ACTB: variants seen among roughly 807,000 people sequenced by gnomAD.
The protein encoded by ACTB is actin, cytoplasmic 1.
ACTB carries 2 observed loss-of-function variants against 30.5 expected under a neutral mutation model. The observed-to-expected ratio is 0.07, with a 90% confidence interval of 0.03 to 0.21. The LOEUF (loss-of-function observed/expected upper bound fraction) is 0.21, where lower values mean the gene tolerates loss of function less well. Ranked by LOEUF, ACTB falls within the 10% of genes least tolerant of loss-of-function variation. The pLI is 1.00. For missense variants in ACTB, 56 were observed against 530.0 expected, an observed-to-expected ratio of 0.11 and a Z score of 8.78; for synonymous variants, 335 against 217.6, an observed-to-expected ratio of 1.54 and a Z score of -4.75.
At position 5,529,576 on chromosome 7, in the gene ACTB, G is replaced by A; in HGVS notation, c.82C>T (p.Arg28Trp). The A allele has an allele frequency of 1.2e-6, 2 of 1,611,584 alleles. No homozygotes were observed. The highest frequency in any genetic ancestry group is 1.7e-6 in the Non-Finnish European group (2 of 1,179,604). Residue 28 changes from arginine (R) to tryptophan (W), a missense_variant, in exon 2 of 6, where the codon CGG becomes TGG. Transcript: ENST00000646664. ...KAGFAGDDAP[R>W]AVFPSIVGRP... ...CCCACGATGGAGGGGAAGACGGCCC[G>A]GGGGGCATCGTCGCCCGCGAAGCCG...
In ACTB at chr7:5,528,657, C is replaced by A. The variant is rs79074016; in HGVS notation, c.426G>T (p.Leu142=). 5.5e-3 allele frequency: 8,941 copies of A among 1,613,986 alleles called. 34 individuals carry two copies. The highest frequency in any genetic ancestry group is 6.2e-3 in the Non-Finnish European group (7,302 of 1,180,046). Residue 142 remains leucine (L), a synonymous_variant, in exon 4 of 6, where the codon CTG becomes CTT. Coordinates refer to ENST00000646664, the MANE Select transcript of ACTB (RefSeq NM_001101.5). ...MYVAIQAVLS[L]YASGRTTGIV... Reference sequence around the variant, plus strand: ...TGCCAGTGGTACGGCCAGAGGCGTACAGGGATAGCACAGCCTGGATAGCAA... The same window carrying A: ...TGCCAGTGGTACGGCCAGAGGCGTAAAGGGATAGCACAGCCTGGATAGCAA...
At chr7:5,530,271 CGGTTGCCCCCGCCCCGAG>C (rs2128241606) in intron 1 of ACTB, among the ~76,000 whole-genome samples, 1 of 152,100 alleles carries the variant, frequency 6.6e-6, no homozygotes, top group African/African-American at 2.4e-5. Context: ...AAGACCCCGC[CGGTTGCCCCCGCCCCGAG>C]AGCGGCACCC....
rs999013216 is a variant in ACTB, at chr7:5,529,904, G to T, written c.-6-241C>A. 1.2e-5 allele frequency: 7 copies of T among 572,350 alleles called. No homozygotes were observed. In the African/African-American group the frequency reaches 1.4e-4, roughly 12 times the overall value. The allele number at this position is 572,350 out of a possible 1,614,324, so 35.5% of individuals were successfully genotyped here. On this transcript the variant is annotated intron_variant, in intron 1 of 5. Transcript: ENST00000646664. Reference sequence around the variant, plus strand: ...CCGGGCGCCAGCCCCGCCTCCGCCCGGTTCAAACAGCGCCGGGTCGGCGCG... The same window carrying T: ...CCGGGCGCCAGCCCCGCCTCCGCCCTGTTCAAACAGCGCCGGGTCGGCGCG...
Position 5,528,507 on chromosome 7 carries a change from G to T in ACTB, c.576C>A (p.Ile192=). ...GRDLTDYLMK[I]LTERGYSFTT... is the part of the protein sequence containing the mutation. ...TGAAGCTGTAGCCGCGCTCGGTGAG[G>T]ATCTTCATGAGGTAGTCAGTCAGGT... The change falls in exon 4 of 6, where the codon ATC becomes ATA. Residue 192 remains isoleucine, a synonymous_variant. Transcript: ENST00000646664. 1.9e-6 allele frequency: 3 copies of T among 1,614,098 alleles called. No individual in the cohort carries two copies. In the South Asian group the frequency reaches 3.3e-5, roughly 18 times the overall value.
At chr7:5,529,122 G>C in intron 3 of ACTB, 39 bp downstream of exon 3, 5 of 1,613,732 alleles carry the variant, frequency 3.1e-6, no homozygotes, top group Non-Finnish European at 4.2e-6. Flanking sequence ...GGCCAGGAAG[G>C]AGGGAGGCGG....
intron 1 of ACTB, 65 bp from the exon 2 acceptor site, chr7:5,529,728 C>T: frequency 1.2e-6 from 2 of 1,606,920 alleles, no homozygotes; most frequent in Admixed American, 1.7e-5. Flanking sequence ...TCCGGCGCGC[C>T]GAGTCCTTAG....
In ACTB at chr7:5,530,571, G is replaced by C. The variant is rs1025812629; in HGVS notation, c.-54C>G. The C allele has an allele frequency of 1.3e-5, 2 of 152,470 alleles. No individual in the cohort carries two copies. Among genetic ancestry groups the C allele is most frequent in the African/African-American group, 2.4e-5 (1 of 41,410 alleles). 9.4% of individuals were successfully genotyped at this position (152,470 alleles called of 1,614,324 possible). ...GGCGGATCGGCAAAGGCGAGGCTCT[G>C]TGCTCGCGGGGCGGACGCGGTCTCG... On this transcript the variant is annotated 5_prime_UTR_variant, in exon 1 of 6. Transcript: ENST00000646664.
rs1784822877 is a variant in ACTB, at chr7:5,528,956, A to C, written c.363+205T>G. On this transcript the variant is annotated intron_variant, in intron 3 of 5. Coordinates refer to ENST00000646664, the MANE Select transcript of ACTB (RefSeq NM_001101.5). ...GTACCTACACCCACAACACTGTCTT[A>C]GACACCTAGTCAGAGAGACAAACAC... 4.2e-5 allele frequency: 65 copies of C among 1,542,424 alleles called. 1 individual carries two copies. The South Asian group carries it at 7.3e-4, about 17-fold the overall frequency.
chr7:5,528,964 A>G (rs2128241353), intron 3 of ACTB, 197 bp downstream of exon 3: 1 of 1,553,536 alleles, frequency 6.4e-7, no homozygotes, highest in East Asian at 2.4e-5. Context: ...TTAGACACCT[A>G]GTCAGAGAGA....
intron 4 of ACTB, 44 bp downstream of exon 4, chr7:5,528,237 G>A (rs372828516): frequency 1.6e-5 from 26 of 1,613,668 alleles, no homozygotes; most frequent in African/African-American, 5.3e-5. Context: ...GCCCCGAGGG[G>A]TAACCCTCAT....
At position 5,527,611 on chromosome 7, in the gene ACTB, CCT is replaced by C; in HGVS notation, c.*135_*136del. ...ACCTTCACCGTTCCAGTTTTTAAAT[CCT>C]GAGTCAAGCCAAAAAAAAAAAAAAA... On this transcript the variant is annotated 3_prime_UTR_variant, in exon 6 of 6. Coordinates refer to ENST00000646664, the MANE Select transcript of ACTB (RefSeq NM_001101.5). 1 of 1,408,142 alleles carries C rather than the reference CCT, an allele frequency of 7.1e-7. No homozygotes were observed. The highest frequency in any genetic ancestry group is 9.8e-7 in the Non-Finnish European group (1 of 1,025,270). The allele number at this position is 1,408,142 out of a possible 1,614,324, so 87.2% of individuals were successfully genotyped here.
rs775743423 is a variant in ACTB, at chr7:5,529,525, G to C, written c.123+10C>G. On this transcript the variant is annotated intron_variant, in intron 2 of 5. Transcript: ENST00000646664. ...CTCCCGGGGCTGCCCCACCCAGCCA[G>C]CTCCCCTACCTGGTGCCTGGGGCGC... 1.9e-6 allele frequency: 3 copies of C among 1,611,410 alleles called. No homozygotes were observed. Among genetic ancestry groups the C allele is most frequent in the Non-Finnish European group, 2.5e-6 (3 of 1,179,006 alleles).
At chr7:5,529,887 C>A (rs1262925480) in intron 1 of ACTB, 30 of 699,302 alleles carry the variant, frequency 4.3e-5, no homozygotes, top group Non-Finnish European at 6.6e-5. Flanking sequence ...AACCGGGCGC[C>A]AGCCCCGCCT....
Position 5,528,339 on chromosome 7 carries a change from G to A in ACTB, c.744C>T (p.Ile248=), listed in dbSNP as rs1475975516. 1.2e-6 allele frequency: 2 copies of A among 1,614,192 alleles called. No homozygotes were observed. The highest frequency in any genetic ancestry group is 2.2e-5 in the South Asian group (2 of 91,088). The change falls in exon 4 of 6, where the codon ATC becomes ATT. Residue 248 remains isoleucine, a synonymous_variant. Transcript: ENST00000646664. ...KSYELPDGQV[I]TIGNERFRCP... ...AGCGGAACCGCTCATTGCCAATGGT[G>A]ATGACCTGGCCGTCAGGCAGCTCGT...
Position 5,529,520 on chromosome 7 carries a change from A to C in ACTB, c.123+15T>G, listed in dbSNP as rs747636718. The C allele has an allele frequency of 6.2e-7, 1 of 1,611,662 alleles. No homozygotes were observed. On this transcript the variant is annotated intron_variant, in intron 2 of 5. Coordinates refer to ENST00000646664, the MANE Select transcript of ACTB (RefSeq NM_001101.5). ...GCCCGCTCCCGGGGCTGCCCCACCCAGCCAGCTCCCCTACCTGGTGCCTGG... is the reference window on the plus strand; with the variant it reads ...GCCCGCTCCCGGGGCTGCCCCACCCCGCCAGCTCCCCTACCTGGTGCCTGG...
chr7:5,529,879 C>T (rs1784850103), intron 1 of ACTB: 2 of 757,988 alleles, frequency 2.6e-6, no homozygotes, highest in Admixed American at 4.5e-5. Flanking sequence ...CCCCTCCCAA[C>T]CGGGCGCCAG....
chr7:5,528,238 T>TA (rs746616854), intron 4 of ACTB, 43 bp downstream of exon 4: 2 of 1,613,464 alleles, frequency 1.2e-6, no homozygotes, highest in Non-Finnish European at 1.7e-6. Context: ...CCCCGAGGGG[T>TA]AACCCTCATG....
rs11546890 is a variant in ACTB, at chr7:5,527,491, A to G, written c.*257T>C. On this transcript the variant is annotated 3_prime_UTR_variant, in exon 6 of 6. Transcript: ENST00000646664. ...GACTTCCTGTAACAACGCATCTCAT[A>G]TTTGGAATGACTATTAAAAAAACAA... 1 of 590,648 alleles carries G rather than the reference A, an allele frequency of 1.7e-6. No individual in the cohort carries two copies. The highest frequency in any genetic ancestry group is 2.0e-5 in the South Asian group (1 of 49,332). The allele number at this position is 590,648 out of a possible 1,614,324, so 36.6% of individuals were successfully genotyped here. A position where few individuals can be genotyped will look rare whatever the true frequency, so the allele number is the denominator to read the frequency against.
intron 1 of ACTB, 126 bp from the exon 2 acceptor site, chr7:5,529,789 G>T: frequency 1.4e-6 from 2 of 1,476,518 alleles, no homozygotes; most frequent in African/African-American, 1.4e-5. Context: ...AGGAAGCCGG[G>T]CCGGCCGCGT....
Sources: gnomAD v4.1 joint callset for allele counts (sites outside exome capture counted in the v4.1 genomes callset) on GRCh38, gnomAD v4.1.1 for gene constraint, MANE v1.5 for transcripts, NCBI Gene and HGNC (gene_info 2026-07-23, HGNC 2026-07-21) for gene names.